The following RASGEF1A variants were observed in gnomAD, a reference collection of about 807,000 sequenced individuals.
The protein encoded by RASGEF1A is RasGEF domain family member 1A, also known as ras-GEF domain-containing family member 1A.
RASGEF1A carries 18 observed loss-of-function variants against 56.4 expected under a neutral mutation model. The observed-to-expected ratio is 0.32, with a 90% CI of 0.22 to 0.47. RASGEF1A has a LOEUF of 0.47. Among genes scored for constraint, RASGEF1A ranks in the 20% least tolerant of loss-of-function variants. RASGEF1A has a pLI of 1.00. For missense variants in RASGEF1A, 422 were observed against 627.1 expected (o/e 0.67, Z 3.49); for synonymous variants, 245 against 242.6 (o/e 1.01, Z -0.09).
At chr10:43,266,771 C>A (rs976675184) in intron 1 of RASGEF1A, 74 bp downstream of exon 1, 8 of 145,928 alleles carry the variant, frequency 5.5e-5, no homozygotes, top group African/African-American at 1.7e-4. Context: ...CCTGCCCGCG[C>A]CGGCGACCGG....
chr10:43,245,608 G>A (rs139172251), intron 1 of RASGEF1A, among the ~76,000 whole-genome samples: 7 of 152,318 alleles, frequency 4.6e-5, no homozygotes, highest in Non-Finnish European at 8.8e-5. Context: ...TTCAAGGAAT[G>A]TAAGGTTAGA....
chr10:43,199,506 G>T (rs1839857781), intron 7 of RASGEF1A, among the ~76,000 whole-genome samples, 170 bp downstream of exon 7: 1 of 152,212 alleles, frequency 6.6e-6, no homozygotes, highest in South Asian at 2.1e-4. Context: ...TGTTGTCATT[G>T]AAGGAATCGC....
chr10:43,225,515 CTGTG>C (rs1384120724), intron 1 of RASGEF1A, among the ~76,000 whole-genome samples: 2 of 150,050 alleles, frequency 1.3e-5, no homozygotes, highest in Admixed American at 6.6e-5. Context: ...CTCTGTGTGT[CTGTG>C]TGTCTCTGTG....
At chr10:43,264,904 T>C (rs1836597186) in intron 1 of RASGEF1A, among the ~76,000 whole-genome samples, 2 of 152,106 alleles carry the variant, frequency 1.3e-5, no homozygotes, top group Non-Finnish European at 2.9e-5. Context: ...CAAATAGGGC[T>C]TCTGTGAAAC....
chr10:43,208,085 C>A, intron 1 of RASGEF1A: 1 of 985,480 alleles, frequency 1.0e-6, no homozygotes, highest in Non-Finnish European at 1.2e-6. Context: ...CCCCTTGTTG[C>A]CCACAGCTGC....
At chr10:43,217,129 G>A (rs934633432) in intron 1 of RASGEF1A, among the ~76,000 whole-genome samples, 1 of 152,182 alleles carries the variant, frequency 6.6e-6, no homozygotes, top group East Asian at 1.9e-4. Context: ...GAGCACAAGC[G>A]AGGGGAGCCG....
chr10:43,235,374 C>T (rs988786070), intron 1 of RASGEF1A, among the ~76,000 whole-genome samples: 15 of 152,208 alleles, frequency 9.9e-5, no homozygotes, highest in Non-Finnish European at 2.1e-4. Flanking sequence ...CCTATTCTGC[C>T]TCCTGGGGTC....
At chr10:43,204,428 C>T (rs1445294880) in intron 2 of RASGEF1A, among the ~76,000 whole-genome samples, 3 of 152,290 alleles carry the variant, frequency 2.0e-5, no homozygotes, top group Middle Eastern at 6.8e-3. Context: ...ACTTCCCACA[C>T]CCTGCCCCAG....
intron 3 of RASGEF1A, chr10:43,202,688 G>A (rs1473468606): frequency 2.6e-6 from 1 of 378,896 alleles, no homozygotes; most frequent in Non-Finnish European, 5.4e-6. Flanking sequence ...AGCTTTCTTC[G>A]CCCACGCCGC....
intron 1 of RASGEF1A, among the ~76,000 whole-genome samples, chr10:43,252,813 C>T (rs892487352): frequency 2.0e-5 from 3 of 151,996 alleles, no homozygotes; most frequent in Non-Finnish European, 4.4e-5. Flanking sequence ...GACTGGCTCG[C>T]GGCGGGAGGC....
intron 2 of RASGEF1A, chr10:43,203,780 C>T: frequency 2.9e-6 from 3 of 1,039,922 alleles, no homozygotes; most frequent in Non-Finnish European, 3.5e-6. Flanking sequence ...TGCAAGCCAG[C>T]TGCTGTTTCA....
intron 1 of RASGEF1A, among the ~76,000 whole-genome samples, chr10:43,223,255 C>T (rs1840232708): frequency 6.6e-6 from 1 of 152,232 alleles, no homozygotes; most frequent in African/African-American, 2.4e-5. Flanking sequence ...TATGTTATAC[C>T]ACCAATGAAA....
At chr10:43,233,460 G>T (rs191421572) in intron 1 of RASGEF1A, among the ~76,000 whole-genome samples, 2 of 152,212 alleles carry the variant, frequency 1.3e-5, no homozygotes, top group Non-Finnish European at 1.5e-5. Context: ...TTACAAATGG[G>T]CAAAAGACTT....
Position 43,197,987 on chromosome 10 carries a change from T to A in RASGEF1A, c.1224+17A>T. The A allele has an allele frequency of 6.3e-7, 1 of 1,597,098 alleles. No individual in the cohort carries two copies. The highest frequency in any genetic ancestry group is 8.6e-7 in the Non-Finnish European group (1 of 1,167,704). Reference sequence around the variant, plus strand: ...GACAGTTTCCGCCTGGCCTGCCCTGTGCTGGGATGAGCTCACCTTAAAGTT... The same window carrying A: ...GACAGTTTCCGCCTGGCCTGCCCTGAGCTGGGATGAGCTCACCTTAAAGTT... On this transcript the variant is annotated intron_variant, in intron 10 of 12. Transcript: ENST00000395810.
intron 7 of RASGEF1A, 141 bp downstream of exon 7, chr10:43,199,535 G>A (rs1320389860): frequency 2.4e-5 from 17 of 696,930 alleles, no homozygotes; most frequent in Non-Finnish European, 2.5e-6. Flanking sequence ...GGGGTTGGGG[G>A]ACCACCAAGG....
At chr10:43,224,796 C>A (rs1156541772) in intron 1 of RASGEF1A, among the ~76,000 whole-genome samples, 1 of 152,192 alleles carries the variant, frequency 6.6e-6, no homozygotes, top group African/African-American at 2.4e-5. Flanking sequence ...GTTGGCTGTT[C>A]CTTATGTGTA....
rs1477530910 is a variant in RASGEF1A, at chr10:43,238,679, C to T, written c.-7+28166G>A. Among the ~76,000 whole-genome samples the T allele has an allele frequency of 2.6e-5, 4 of 152,280 alleles. No homozygotes were observed. The East Asian group carries it at 7.7e-4, about 29-fold the overall frequency. On this transcript the variant is annotated intron_variant, in intron 1 of 12. Transcript: ENST00000395810. ...CTGTGATGGGCAGGGCCCCTGACTGCCATTCGGGCAAGTGGGGATACTGAG... is the reference window on the plus strand; with the variant it reads ...CTGTGATGGGCAGGGCCCCTGACTGTCATTCGGGCAAGTGGGGATACTGAG...
intron 3 of RASGEF1A, chr10:43,202,831 C>T (rs532098158): frequency 3.3e-4 from 137 of 419,398 alleles, no homozygotes; most frequent in African/African-American, 2.2e-3. Flanking sequence ...TGTGGCGTCA[C>T]GCCCCAACTC....
chr10:43,236,878 A>AG (rs1329089000), intron 1 of RASGEF1A, among the ~76,000 whole-genome samples: 34 of 151,872 alleles, frequency 2.2e-4, no homozygotes, highest in African/African-American at 7.2e-4. Flanking sequence ...GTAGGGGACA[A>AG]GGGGGGGATG....
Sources: gnomAD v4.1 joint callset for allele counts (sites outside exome capture counted in the v4.1 genomes callset) on GRCh38, gnomAD v4.1.1 for gene constraint, MANE v1.5 for transcripts, NCBI Gene and HGNC (gene_info 2026-07-23, HGNC 2026-07-21) for gene names.